OBP2A: variants seen among roughly 807,000 people sequenced by gnomAD.
OBP2A encodes odorant binding protein 2A.
OBP2A carries 15 observed loss-of-function variants against 21.9 expected under a neutral mutation model. That is an observed-to-expected ratio of 0.69 (90% CI 0.46 to 1.06). The LOEUF is 1.06. Ranked by LOEUF, OBP2A falls within the 50% of genes least tolerant of loss-of-function variation. The probability of loss-of-function intolerance (pLI) is 0.00; values close to 1 mark genes in which losing one functional copy is unlikely to be tolerated. For synonymous variants in OBP2A, 86 were observed against 91.8 expected (o/e 0.94, Z 0.36); for missense variants, 192 against 220.1 (o/e 0.87, Z 0.81).
In OBP2A at chr9:135,547,205, A is replaced by T; in HGVS notation, c.234A>T (p.Lys78Asn). 6.2e-7 allele frequency: 1 copy of T among 1,612,814 alleles called. No individual in the cohort carries two copies. The highest frequency in any genetic ancestry group is 8.5e-7 in the Non-Finnish European group (1 of 1,179,946). The change falls in exon 3 of 7, where the codon AAA becomes AAT. Residue 78 changes from lysine to asparagine, a missense_variant. Physicochemically the swap from Lys to Asn is moderately conservative, Grantham distance 94 (BLOSUM62 0). Coordinates refer to ENST00000371776, the MANE Select transcript of OBP2A (RefSeq NM_014582.3). ...FMREDRCIQKKILMRKTEEPG... is the reference protein window; with the variant it reads ...FMREDRCIQKNILMRKTEEPG... ...GGGAGGATCGGTGCATCCAGAAGAA[A>T]ATCCTGATGCGGAAGACGGAGGAGC...
In OBP2A at chr9:135,547,956, C is replaced by A; in HGVS notation, c.363C>A (p.Gly121=). ...VFYCKDQRRG[G]LRYMGKLVGR... is the part of the protein sequence containing the mutation. ...ACTGCAAAGACCAGCGCCGTGGGGGCCTGCGCTACATGGGAAAGCTTGTGG... is the reference window on the plus strand; with the variant it reads ...ACTGCAAAGACCAGCGCCGTGGGGGACTGCGCTACATGGGAAAGCTTGTGG... Residue 121 remains glycine, a synonymous_variant, in exon 4 of 7, where the codon GGC becomes GGA. Transcript: ENST00000371776. 1 of 1,612,058 alleles carries A rather than the reference C, an allele frequency of 6.2e-7. No homozygotes were observed.
chr9:135,549,104 C>T lies in OBP2A; in HGVS notation c.491-204C>T, dbSNP rs11103060. Among the ~76,000 whole-genome samples, 3 of 3,306 alleles carry T rather than the reference C, an allele frequency of 9.1e-4. 1 individual carries two copies. The highest frequency in any genetic ancestry group is 4.6e-3 in the Admixed American group (2 of 434). 2.2% of individuals were successfully genotyped at this position (3,306 alleles called of 152,430 possible). On this transcript the variant is annotated intron_variant, in intron 5 of 6. Coordinates refer to ENST00000371776, the MANE Select transcript of OBP2A (RefSeq NM_014582.3). Reference sequence around the variant, plus strand: ...GGCTGCGATGGGGTCTGGGGCTCCGCGCTCTGGGCTGCGATGGGGTCTGGG... The same window carrying T: ...GGCTGCGATGGGGTCTGGGGCTCCGTGCTCTGGGCTGCGATGGGGTCTGGG...
intron 4 of OBP2A, 88 bp from the exon 5 acceptor site, chr9:135,548,620 G>A (rs1207759811): frequency 6.3e-7 from 1 of 1,584,776 alleles, no homozygotes; most frequent in East Asian, 2.3e-5. Flanking sequence ...TCCTGATGCT[G>A]GGCCGTGGTC....
chr9:135,548,704 G>A lies in OBP2A; in HGVS notation c.389-4G>A. The A allele has an allele frequency of 6.2e-7, 1 of 1,613,822 alleles. No homozygotes were observed. On this transcript the variant is annotated splice_polypyrimidine_tract_variant and splice_region_variant and intron_variant, in intron 4 of 6. Coordinates refer to ENST00000371776, the MANE Select transcript of OBP2A (RefSeq NM_014582.3). The stretch of plus-strand genomic sequence containing the variant: ...CTTGGCTCACCTGGCCACCTCACCT[G>A]CAGGTAGGAATCCTAATACCAACCT...
At position 135,546,903 on chromosome 9, in the gene OBP2A, C is replaced by A; in HGVS notation, c.198C>A (p.Phe66Leu). The A allele has an allele frequency of 6.2e-7, 1 of 1,613,724 alleles. No individual in the cohort carries two copies. Among genetic ancestry groups the A allele is most frequent in the Non-Finnish European group, 8.5e-7 (1 of 1,179,732 alleles). ...GCGGTGGGAACTTGGAAGCCACGTT[C>A]ACCTTCATGTGAGTGTTGCCCACTG... is the stretch of plus-strand genomic sequence containing the variant. ...ALGGGNLEAT[F>L]TFMREDRCIQ... The change falls in exon 2 of 7, where the codon TTC becomes TTA. Residue 66 changes from phenylalanine to leucine, a missense_variant. Physicochemically the swap from Phe to Leu is conservative, Grantham distance 22. Transcript: ENST00000371776.
chr9:135,548,662 C>G, intron 4 of OBP2A, 46 bp from the exon 5 acceptor site: 1 of 1,612,546 alleles, frequency 6.2e-7, no homozygotes, highest in Non-Finnish European at 8.5e-7. Flanking sequence ...CCTGCAGGGC[C>G]GTGCCGCTGT....
Position 135,549,766 on chromosome 9 carries a change from GAGGGA to G in OBP2A, c.*2-70_*2-66del, listed in dbSNP as rs1427122848. Reference sequence around the variant, plus strand: ...CGATGTGGAAGCTGCAGAGCCTGGGGAGGGAGCTCTGGGCCTGGCCTCTGCCCTAC... The same window carrying G: ...CGATGTGGAAGCTGCAGAGCCTGGGGGCTCTGGGCCTGGCCTCTGCCCTAC... On this transcript the variant is annotated intron_variant, in intron 6 of 6. Transcript: ENST00000371776. 3 of 1,014,612 alleles carry G rather than the reference GAGGGA, an allele frequency of 3.0e-6. No homozygotes were observed. The East Asian group carries it at 8.2e-5, about 28-fold the overall frequency. The allele number at this position is 1,014,612 out of a possible 1,614,324, so 62.9% of individuals were successfully genotyped here.
chr9:135,547,333 C>G (rs2118995659), intron 3 of OBP2A, 85 bp downstream of exon 3: 1 of 1,460,516 alleles, frequency 6.8e-7, no homozygotes, highest in East Asian at 2.3e-5. Flanking sequence ...CCAGGCCACA[C>G]TTCTGCCAGG....
intron 3 of OBP2A, 105 bp from the exon 4 acceptor site, chr9:135,547,766 C>CCCTGG: frequency 1.1e-6 from 1 of 880,552 alleles, no homozygotes; most frequent in Non-Finnish European, 1.7e-6. Flanking sequence ...CTGTCCAGGG[C>CCCTGG]ACCTGGGTGA....
intron 5 of OBP2A, among the ~76,000 whole-genome samples, chr9:135,549,052 C>T (rs1161224695): frequency 2.4e-4 from 26 of 109,978 alleles, no homozygotes; most frequent in African/African-American, 9.6e-4. Flanking sequence ...CTCTGGGCTG[C>T]GATGGGGTCT....
intron 4 of OBP2A, 101 bp from the exon 5 acceptor site, chr9:135,548,607 C>A (rs756622095): frequency 6.4e-7 from 1 of 1,559,866 alleles, no homozygotes; most frequent in Non-Finnish European, 8.7e-7. Flanking sequence ...GGCCTCTCCC[C>A]CGTCCTGATG....
chr9:135,547,712 G>A (rs374712632), intron 3 of OBP2A, among the ~76,000 whole-genome samples, 159 bp from the exon 4 acceptor site: 9 of 152,230 alleles, frequency 5.9e-5, no homozygotes, highest in East Asian at 1.9e-4. Context: ...TCCTGCCTCC[G>A]TGTCCGGGTC....
intron 1 of OBP2A, 38 bp downstream of exon 1, chr9:135,546,290 T>G: frequency 1.4e-6 from 2 of 1,397,464 alleles, no homozygotes; most frequent in Non-Finnish European, 2.0e-6. Context: ...AGGAGCCAGG[T>G]GGACTCCTGG....
At chr9:135,548,466 C>T (rs1156307496) in intron 4 of OBP2A, among the ~76,000 whole-genome samples, 5 of 152,092 alleles carry the variant, frequency 3.3e-5, no homozygotes, top group South Asian at 2.1e-4. Context: ...GGGCGGTGGC[C>T]GTCTCCTCTG....
At chr9:135,547,021 C>A in intron 2 of OBP2A, 110 bp downstream of exon 2, 5 of 1,572,082 alleles carry the variant, frequency 3.2e-6, no homozygotes, top group Non-Finnish European at 4.3e-6. Context: ...GAGTCACCCC[C>A]TGCCTTGGAG....
At chr9:135,548,302 G>C (rs1172853228) in intron 4 of OBP2A, among the ~76,000 whole-genome samples, 2 of 152,142 alleles carry the variant, frequency 1.3e-5, no homozygotes, top group Non-Finnish European at 2.9e-5. Flanking sequence ...GGACTCTCCA[G>C]GGCGGCAGGG....
intron 4 of OBP2A, 78 bp from the exon 5 acceptor site, chr9:135,548,630 C>T (rs777717993): frequency 1.7e-5 from 27 of 1,597,152 alleles, no homozygotes; most frequent in East Asian, 1.6e-4. Flanking sequence ...GGGCCGTGGT[C>T]GTCTCCTTTT....
At position 135,549,595 on chromosome 9, in the gene OBP2A, C is replaced by T. The variant is rs1008031379; in HGVS notation, c.*2-242C>T. ...CAGCGAGGCCTCCCTCCGGCTCCCT[C>T]AGGTGTCAGCTCGGCCCATCGCCCC... On this transcript the variant is annotated intron_variant, in intron 6 of 6. Coordinates refer to ENST00000371776, the MANE Select transcript of OBP2A (RefSeq NM_014582.3). The T allele has an allele frequency of 8.4e-6, 5 of 596,962 alleles. No homozygotes were observed. The African/African-American group carries it at 9.3e-5, about 11-fold the overall frequency. The allele number at this position is 596,962 out of a possible 1,614,324, so 37.0% of individuals were successfully genotyped here.
intron 1 of OBP2A, among the ~76,000 whole-genome samples, chr9:135,546,538 G>A (rs1831936208): frequency 6.6e-6 from 1 of 151,500 alleles, no homozygotes; most frequent in South Asian, 2.1e-4. Context: ...CTGGTGCTGG[G>A]GCCCGGGGGT....
Sources: gnomAD v4.1 joint callset for allele counts (sites outside exome capture counted in the v4.1 genomes callset) on GRCh38, gnomAD v4.1.1 for gene constraint, MANE v1.5 for transcripts, NCBI Gene and HGNC (gene_info 2026-07-23, HGNC 2026-07-21) for gene names.